Variants in PDE4D observed in about 807,000 individuals in gnomAD.
PDE4D encodes the protein phosphodiesterase 4D.
Under a neutral mutation model 87.4 loss-of-function variants are expected in PDE4D, and 24 were observed. That is an observed-to-expected ratio of 0.27 (90% CI 0.20 to 0.39). PDE4D has a LOEUF of 0.39. PDE4D is among the 10% of genes least tolerant of loss of function. PDE4D has a pLI of 1.00. For missense variants in PDE4D, 714 were observed against 1,041.0 expected, an observed-to-expected ratio of 0.69 and a Z score of 4.32; for synonymous variants, 384 against 383.2, an observed-to-expected ratio of 1.00 and a Z score of -0.02.
intron 1 of PDE4D, chr5:59,314,608 C>T (rs972950025): frequency 2.0e-5 from 3 of 152,126 alleles, no homozygotes; most frequent in Admixed American, 1.3e-4. Context: ...CATCAATAAA[C>T]CCTATTGCAC....
intron 5 of PDE4D, among the ~76,000 whole-genome samples, chr5:59,144,259 C>T (rs1778306833): frequency 6.6e-6 from 1 of 152,184 alleles, no homozygotes; most frequent in South Asian, 2.1e-4. Flanking sequence ...ACCATGACCT[C>T]TCTGAGTACT....
At chr5:60,200,728 T>A (rs1741800863) in intron 1 of PDE4D, among the ~76,000 whole-genome samples, 1 of 152,114 alleles carries the variant, frequency 6.6e-6, no homozygotes, top group South Asian at 2.1e-4. Flanking sequence ...CATGGAGAAA[T>A]GCCATCAATT....
intron 1 of PDE4D, among the ~76,000 whole-genome samples, chr5:59,751,304 A>T (rs902970753): frequency 6.6e-6 from 1 of 152,190 alleles, no homozygotes; most frequent in Non-Finnish European, 1.5e-5. Context: ...GAATTAACAC[A>T]TCTGATTTGA....
At chr5:59,820,865 G>C (rs1581255127) in intron 1 of PDE4D, among the ~76,000 whole-genome samples, 1 of 152,164 alleles carries the variant, frequency 6.6e-6, no homozygotes. Flanking sequence ...GTTTATAGGA[G>C]TTCATAAAAT....
chr5:60,149,521 A>G (rs560778902), intron 2 of PDE4D, among the ~76,000 whole-genome samples: 41 of 152,304 alleles, frequency 2.7e-4, no homozygotes, highest in African/African-American at 9.9e-4. Flanking sequence ...CTCAAACCAT[A>G]GCAAACATAG....
intron 1 of PDE4D, among the ~76,000 whole-genome samples, chr5:59,669,596 T>C (rs7446108): frequency 0.034 from 5,136 of 152,300 alleles, 290 homozygotes; most frequent in African/African-American, 0.12. Context: ...AGTTTTTCTA[T>C]GGCATGCTGG....
At chr5:59,885,786 A>T (rs1204995006) in intron 1 of PDE4D, among the ~76,000 whole-genome samples, 1 of 151,556 alleles carries the variant, frequency 6.6e-6, no homozygotes, top group African/African-American at 2.4e-5. Flanking sequence ...TTATAATTTC[A>T]CTCTGTCTTC....
intron 2 of PDE4D, among the ~76,000 whole-genome samples, chr5:60,024,573 G>A (rs1396166187): frequency 1.3e-5 from 2 of 152,094 alleles, no homozygotes; most frequent in Non-Finnish European, 2.9e-5. Context: ...TGAAGCATGG[G>A]GTACATCACA....
chr5:59,938,579 T>C (rs1036379200), intron 3 of PDE4D, among the ~76,000 whole-genome samples: 4 of 152,206 alleles, frequency 2.6e-5, no homozygotes, highest in Non-Finnish European at 4.4e-5. Flanking sequence ...GATATGCTAA[T>C]AATCAGGTCT....
At chr5:60,213,600 C>A (rs1172287288) in intron 1 of PDE4D, among the ~76,000 whole-genome samples, 1 of 152,188 alleles carries the variant, frequency 6.6e-6, no homozygotes, top group African/African-American at 2.4e-5. Context: ...CTTCAAAATT[C>A]TCTTCCCCCG....
chr5:59,770,481 G>A (rs1424424151), intron 1 of PDE4D, among the ~76,000 whole-genome samples: 1 of 152,128 alleles, frequency 6.6e-6, no homozygotes, highest in African/African-American at 2.4e-5. Context: ...GGAAGGTTCA[G>A]AAATTAATGG....
At chr5:59,665,995 C>T (rs1368131664) in intron 1 of PDE4D, among the ~76,000 whole-genome samples, 1 of 152,220 alleles carries the variant, frequency 6.6e-6, no homozygotes, top group East Asian at 1.9e-4. Flanking sequence ...GAGTCTCCCT[C>T]TGTCGGCCAG....
chr5:59,069,061 A>G (rs993232143), intron 5 of PDE4D, among the ~76,000 whole-genome samples: 1 of 152,230 alleles, frequency 6.6e-6, no homozygotes, highest in Non-Finnish European at 1.5e-5. Flanking sequence ...CAGAATCAAA[A>G]TGGTTTCTTA....
At chr5:59,446,468 T>A (rs1271233701) in intron 1 of PDE4D, among the ~76,000 whole-genome samples, 2 of 152,198 alleles carry the variant, frequency 1.3e-5, no homozygotes, top group Non-Finnish European at 2.9e-5. Context: ...AATTTTATAG[T>A]TACTTCTCAT....
intron 1 of PDE4D, among the ~76,000 whole-genome samples, chr5:59,747,318 G>A (rs1224314918): frequency 6.6e-6 from 1 of 152,150 alleles, no homozygotes; most frequent in African/African-American, 2.4e-5. Flanking sequence ...AGTGAGCTTA[G>A]AGTAAATATG....
chr5:59,418,655 T>TG (rs1221072057), intron 1 of PDE4D, among the ~76,000 whole-genome samples: 1 of 151,120 alleles, frequency 6.6e-6, no homozygotes, highest in African/African-American at 2.5e-5. Flanking sequence ...ACAATTTTTT[T>TG]TTTGTTTTTT....
chr5:59,989,558 G>A (rs1270152766), intron 2 of PDE4D, among the ~76,000 whole-genome samples: 1 of 151,874 alleles, frequency 6.6e-6, no homozygotes, highest in Non-Finnish European at 1.5e-5. Flanking sequence ...AGACTGAGAG[G>A]GTAGTAAGAA....
At chr5:60,064,769 G>A (rs1771866455) in intron 2 of PDE4D, among the ~76,000 whole-genome samples, 1 of 151,976 alleles carries the variant, frequency 6.6e-6, no homozygotes, top group Non-Finnish European at 1.5e-5. Flanking sequence ...TCCTCAAAGG[G>A]CCATTTCAAA....
At chr5:60,429,077 T>G (rs1472882039) in intron 1 of PDE4D, among the ~76,000 whole-genome samples, 1 of 152,254 alleles carries the variant, frequency 6.6e-6, no homozygotes, top group Non-Finnish European at 1.5e-5. Context: ...CAAATTTGTA[T>G]GATAAATGTT....
Sources: gnomAD v4.1 joint callset for allele counts (sites outside exome capture counted in the v4.1 genomes callset) on GRCh38, gnomAD v4.1.1 for gene constraint, MANE v1.5 for transcripts, NCBI Gene and HGNC (gene_info 2026-07-23, HGNC 2026-07-21) for gene names.